FAM184A: variants seen among roughly 807,000 people sequenced by gnomAD.
FAM184A encodes the protein protein FAM184A.
Under a neutral mutation model 143.8 loss-of-function variants are expected in FAM184A, and 99 were observed. That is an observed-to-expected ratio of 0.69 (90% CI 0.58 to 0.81). The LOEUF is 0.81. FAM184A is among the 40% of genes least tolerant of loss of function. The pLI is 0.00. For missense variants in FAM184A, 1,217 were observed against 1,310.5 expected (o/e 0.93, Z 1.10); for synonymous variants, 427 against 446.4 (o/e 0.96, Z 0.55).
At chr6:119,008,557 G>A (rs1246187379) in intron 6 of FAM184A, among the ~76,000 whole-genome samples, 2 of 151,962 alleles carry the variant, frequency 1.3e-5, no homozygotes, top group East Asian at 3.9e-4. Flanking sequence ...CATTATCCTT[G>A]GACTTTACAG....
At chr6:119,104,636 T>A (rs1788730119) in intron 1 of FAM184A, among the ~76,000 whole-genome samples, 1 of 152,230 alleles carries the variant, frequency 6.6e-6, no homozygotes, top group Non-Finnish European at 1.5e-5. Context: ...AAGACTTTGA[T>A]GATTACATTT....
At chr6:118,970,438 A>G (rs757212291) in intron 14 of FAM184A, among the ~76,000 whole-genome samples, 7 of 152,210 alleles carry the variant, frequency 4.6e-5, no homozygotes, top group Non-Finnish European at 1.0e-4. Flanking sequence ...TTACATTCAT[A>G]TAATTATAGC....
intron 1 of FAM184A, among the ~76,000 whole-genome samples, chr6:119,120,291 G>C (rs1789177555): frequency 6.6e-6 from 1 of 152,122 alleles, no homozygotes; most frequent in African/African-American, 2.4e-5. Context: ...TATCTTTCAG[G>C]AAACATAATG....
intron 1 of FAM184A, among the ~76,000 whole-genome samples, chr6:119,095,306 C>T (rs1361204962): frequency 1.3e-5 from 2 of 152,318 alleles, no homozygotes; most frequent in East Asian, 1.9e-4. Flanking sequence ...TTTTATAAAA[C>T]GTGCTGAAGT....
At chr6:119,122,068 T>C (rs914489585) in intron 1 of FAM184A, among the ~76,000 whole-genome samples, 2 of 152,248 alleles carry the variant, frequency 1.3e-5, no homozygotes, top group African/African-American at 4.8e-5. Context: ...CATGACCAGC[T>C]TGGAACTTTT....
At chr6:119,023,898 C>G (rs1785539896) in intron 2 of FAM184A, 61 bp downstream of exon 2, 1 of 1,458,126 alleles carries the variant, frequency 6.9e-7, no homozygotes, top group African/African-American at 1.4e-5. Flanking sequence ...CTCCAGCCTA[C>G]AAAACAAATA....
Position 119,020,003 on chromosome 6 carries a change from T to C in FAM184A, c.1307A>G (p.Lys436Arg). 7 of 1,596,560 alleles carry C rather than the reference T, an allele frequency of 4.4e-6. No homozygotes were observed. The highest frequency in any genetic ancestry group is 6.0e-6 in the Non-Finnish European group (7 of 1,174,308). The change falls in exon 4 of 18, where the codon AAG (lysine) becomes AGG (arginine). Residue 436 changes from lysine (K) to arginine (R), a missense_variant. Physicochemically the swap from Lys to Arg is conservative, Grantham distance 26. Transcript: ENST00000338891. ...SKTQSLDEEQ[K>R]QQILELEKKV... ...CTTCTCCAGTTCTAGAATCTGTTGC[T>C]TCTGCTCTTCATCCAGACTTTGGGT...
upstream of FAM184A, among the ~76,000 whole-genome samples, chr6:119,083,153 A>G (rs1256080248): frequency 6.6e-6 from 1 of 152,190 alleles, no homozygotes; most frequent in East Asian, 1.9e-4. Flanking sequence ...CACGGCTGGG[A>G]TAAAAGGCAC....
intron 1 of FAM184A, among the ~76,000 whole-genome samples, chr6:119,048,740 T>A (rs977917190): frequency 6.6e-6 from 1 of 151,546 alleles, no homozygotes; most frequent in African/African-American, 2.4e-5. Context: ...ACACAGAGAG[T>A]AGAATGATGG....
At chr6:118,973,215 T>C (rs1295916460) in intron 14 of FAM184A, among the ~76,000 whole-genome samples, 4 of 152,224 alleles carry the variant, frequency 2.6e-5, no homozygotes, top group Non-Finnish European at 5.9e-5. Context: ...TTTTCTGCTG[T>C]GGCTTAAGTG....
chr6:118,970,008 A>ATATATATATT, intron 14 of FAM184A, among the ~76,000 whole-genome samples: 3 of 19,046 alleles, frequency 1.6e-4, no homozygotes, highest in Non-Finnish European at 2.3e-4. Context: ...ATATATATAT[A>ATATATATATT]TTTTTTTTTT....
intron 1 of FAM184A, among the ~76,000 whole-genome samples, chr6:119,114,651 C>T (rs1359180157): frequency 6.6e-6 from 1 of 152,198 alleles, no homozygotes; most frequent in Non-Finnish European, 1.5e-5. Flanking sequence ...AAGTGATCCT[C>T]CTGCCTCAGC....
At chr6:119,116,089 A>T (rs755933968) in intron 1 of FAM184A, among the ~76,000 whole-genome samples, 3 of 152,012 alleles carry the variant, frequency 2.0e-5, no homozygotes, top group Non-Finnish European at 4.4e-5. Context: ...ATGGGGCCAC[A>T]GTGAGGGTTT....
chr6:118,985,303 G>GT (rs1359886334), intron 9 of FAM184A, among the ~76,000 whole-genome samples: 1 of 152,230 alleles, frequency 6.6e-6, no homozygotes, highest in Non-Finnish European at 1.5e-5. Flanking sequence ...CAGACATCCT[G>GT]TAAGTATCAC....
intron 3 of FAM184A, among the ~76,000 whole-genome samples, chr6:119,022,720 CA>C (rs1382600719): frequency 6.6e-6 from 1 of 151,792 alleles, no homozygotes; most frequent in African/African-American, 2.4e-5. Context: ...ACTAAAAATA[CA>C]AAAAAATTAG....
chr6:118,969,687 G>A (rs555069093), intron 14 of FAM184A, among the ~76,000 whole-genome samples: 12 of 151,698 alleles, frequency 7.9e-5, no homozygotes, highest in African/African-American at 2.9e-4. Context: ...TTTAAGCTCT[G>A]GGATACATGT....
intron 1 of FAM184A, among the ~76,000 whole-genome samples, chr6:119,115,925 C>T (rs1192477585): frequency 6.6e-6 from 1 of 151,398 alleles, no homozygotes; most frequent in Non-Finnish European, 1.5e-5. Flanking sequence ...GCTGAGATGG[C>T]GCCACTGCAC....
intron 9 of FAM184A, among the ~76,000 whole-genome samples, chr6:118,994,923 C>T (rs774688524): frequency 5.9e-5 from 9 of 152,258 alleles, no homozygotes; most frequent in Non-Finnish European, 1.2e-4. Flanking sequence ...CAAGATATTA[C>T]ACATGCATAT....
At chr6:119,120,207 A>G (rs1158168364) in intron 1 of FAM184A, among the ~76,000 whole-genome samples, 1 of 152,214 alleles carries the variant, frequency 6.6e-6, no homozygotes, top group African/African-American at 2.4e-5. Flanking sequence ...GGCAACCACT[A>G]ATCTACTTTC....
Sources: gnomAD v4.1 joint callset for allele counts (sites outside exome capture counted in the v4.1 genomes callset) on GRCh38, gnomAD v4.1.1 for gene constraint, MANE v1.5 for transcripts, NCBI Gene and HGNC (gene_info 2026-07-23, HGNC 2026-07-21) for gene names.